OR4C16: variants seen among roughly 807,000 people sequenced by gnomAD.
OR4C16 encodes olfactory receptor family 4 subfamily C member 16, also known as olfactory receptor 4C16.
OR4C16 carries 24 observed loss-of-function variants against 14.4 expected under a neutral mutation model. The ratio of observed to expected loss-of-function variants is 1.66; its 90% CI spans 1.21 to 2.34. The LOEUF is 2.34. OR4C16 is among the 30% of genes most tolerant of loss of function. The pLI, the probability that OR4C16 is intolerant of heterozygous loss-of-function variation, is 0.00. For synonymous variants in OR4C16, 233 were observed against 133.5 expected (o/e 1.75, Z -5.14); for missense variants, 674 against 364.2 (o/e 1.85, Z -6.92).
Position 55,572,736 on chromosome 11 carries a change from C to T in OR4C16, c.609C>T (p.Ala203=), listed in dbSNP as rs1364351956. 4.3e-6 allele frequency: 7 copies of T among 1,613,666 alleles called. No individual in the cohort carries two copies. The highest frequency in any genetic ancestry group is 1.3e-5 in the African/African-American group (1 of 75,008). Residue 203 remains alanine (A), a synonymous_variant, in exon 1 of 1, where the codon GCC becomes GCT. Coordinates refer to ENST00000623907, the MANE Select transcript of OR4C16 (RefSeq NM_001004701.2). ...VNLLLVSNSG[A]ICAVSYVMLI... ...TACTCCTGGTTTCCAATAGTGGGGC[C>T]ATTTGTGCAGTGAGTTATGTCATGC...
chr11:55,573,011 C>G lies in OR4C16; in HGVS notation c.884C>G (p.Ala295Gly). 6.3e-7 allele frequency: 1 copy of G among 1,586,990 alleles called. No individual in the cohort carries two copies. The highest frequency in any genetic ancestry group is 8.6e-7 in the Non-Finnish European group (1 of 1,164,874). ...YTLKNTEVKS[A>G]MRKLWSKKLI... The stretch of plus-strand genomic sequence containing the variant: ...CTGAAGAATACAGAAGTGAAAAGTG[C>G]CATGAGGAAGCTTTGGAGCAAGAAA... Residue 295 changes from alanine to glycine, a missense_variant, in exon 1 of 1, where the codon GCC (alanine) becomes GGC (glycine). By Grantham distance (60) the Ala-to-Gly change is moderately conservative. Coordinates refer to ENST00000623907, the MANE Select transcript of OR4C16 (RefSeq NM_001004701.2).
Position 55,572,844 on chromosome 11 carries a change from C to T in OR4C16, c.717C>T (p.Val239=), listed in dbSNP as rs367685638. Residue 239 remains valine, a synonymous_variant, in exon 1 of 1, where the codon GTC becomes GTT. Transcript: ENST00000623907. ...TAAAGAAAGCACTTTCCACATGTGTCTCCCACATCATTGTGGTCATCTTGT... is the reference window on the plus strand; with the variant it reads ...TAAAGAAAGCACTTTCCACATGTGTTTCCCACATCATTGTGGTCATCTTGT... ...EVIKKALSTC[V]SHIIVVILFF... 9.8e-5 allele frequency: 158 copies of T among 1,613,766 alleles called. 1 individual carries two copies. Among genetic ancestry groups the T allele is most frequent in the East Asian group, 8.5e-4 (38 of 44,876 alleles).
rs752324980 is a variant in OR4C16 at position 55,572,209 on chromosome 11, A to AT, written c.89dup (p.Leu30PhefsTer11). 2.0e-5 allele frequency: 32 copies of AT among 1,610,698 alleles called. No homozygotes were observed. The highest frequency in any genetic ancestry group is 1.2e-4 in the African/African-American group (9 of 74,792). ...TTTTTGGAAGAAAATAGTGTTTGTT[A>AT]TTTTTTTGCGTCTCTACTTGGGAAC... On this transcript the variant is annotated frameshift_variant, in exon 1 of 1. Coordinates refer to ENST00000623907, the MANE Select transcript of OR4C16 (RefSeq NM_001004701.2). LOFTEE classifies it high-confidence loss of function.
rs150706012 is a variant in OR4C16 at position 55,572,407 on chromosome 11, G to T, written c.280G>T (p.Glu94Ter). ...GAAGAAGACAACTATCTCCTTCAGC[G>T]AGTGCATGATCCAAGTCTTTTCATC... ...LLKKTTISFS[E>*]CMIQVFSSHV... The change falls in exon 1 of 1, where the codon GAG (glutamate) becomes TAG (stop). Residue 94 changes from glutamate to a stop codon, truncating the protein, a stop_gained. Coordinates refer to ENST00000623907, the MANE Select transcript of OR4C16 (RefSeq NM_001004701.2). LOFTEE classifies it high-confidence loss of function. 2 of 1,613,892 alleles carry T rather than the reference G, an allele frequency of 1.2e-6. No homozygotes were observed. Among genetic ancestry groups the T allele is most frequent in the Non-Finnish European group, 1.7e-6 (2 of 1,179,966 alleles).
Position 55,572,611 on chromosome 11 carries a change from C to T in OR4C16, c.484C>T (p.Leu162=), listed in dbSNP as rs1012542418. ...VHSLVQIFLA[L]SLPFCGPNVI... is the part of the protein sequence containing the mutation. ...TTCTTTAGTTCAGATTTTTCTTGCC[C>T]TGAGTTTGCCATTCTGTGGCCCCAA... The change falls in exon 1 of 1, where the codon CTG becomes TTG. Residue 162 remains leucine, a synonymous_variant. Coordinates refer to ENST00000623907, the MANE Select transcript of OR4C16 (RefSeq NM_001004701.2). 4 of 1,614,086 alleles carry T rather than the reference C, an allele frequency of 2.5e-6. No homozygotes were observed. Among genetic ancestry groups the T allele is most frequent in the East Asian group, 2.2e-5 (1 of 44,872 alleles).
In OR4C16 at chr11:55,572,524, A is replaced by C. The variant is rs1324970841; in HGVS notation, c.397A>C (p.Ile133Leu). The C allele has an allele frequency of 6.2e-7, 1 of 1,613,960 alleles. No homozygotes were observed. Among genetic ancestry groups the C allele is most frequent in the African/African-American group, 1.3e-5 (1 of 74,910 alleles). ...DICKPLHYMT[I>L]ISQWVCGVLM... ...CTGTAAGCCCCTGCACTACATGACC[A>C]TCATAAGCCAGTGGGTCTGTGGTGT... Residue 133 changes from isoleucine (I) to leucine (L), a missense_variant, in exon 1 of 1, where the codon ATC becomes CTC. Physicochemically the swap from Ile to Leu is conservative, Grantham distance 5 (BLOSUM62 2). Transcript: ENST00000623907.
rs770122349 is a variant in OR4C16, at chr11:55,572,597, A to C, written c.470A>C (p.Gln157Pro). The stretch of plus-strand genomic sequence containing the variant: ...GGATCCTGTGTGCATTCTTTAGTTC[A>C]GATTTTTCTTGCCCTGAGTTTGCCA... ...WVGSCVHSLV[Q>P]IFLALSLPFC... Residue 157 changes from glutamine to proline, a missense_variant, in exon 1 of 1, where the codon CAG becomes CCG. Transcript: ENST00000623907. 1 of 1,614,062 alleles carries C rather than the reference A, an allele frequency of 6.2e-7. No individual in the cohort carries two copies. The highest frequency in any genetic ancestry group is 8.5e-7 in the Non-Finnish European group (1 of 1,179,994).
Position 55,572,145 on chromosome 11 carries a change from T to C in OR4C16, c.18T>C (p.Asn6=). The C allele has an allele frequency of 6.2e-7, 1 of 1,607,128 alleles. No homozygotes were observed. ...CGAAAACCATGCAACTGAATAATAA[T>C]GTGACTGAGTTCATTCTGCTTGGAT... MQLNN[N]VTEFILLGLT... The change falls in exon 1 of 1, where the codon AAT becomes AAC. Residue 6 remains asparagine (N), a synonymous_variant. Transcript: ENST00000623907.
In OR4C16 at chr11:55,572,938, G is replaced by C; in HGVS notation, c.811G>C (p.Val271Leu). ...TVFPMDKMIAVFYTVGTSFLN... is the reference protein window; with the variant it reads ...TVFPMDKMIALFYTVGTSFLN... ...ATTCCCCATGGATAAGATGATAGCT[G>C]TATTTTATACAGTTGGAACATCTTT... is the stretch of plus-strand genomic sequence containing the variant. The change falls in exon 1 of 1, where the codon GTA (valine) becomes CTA (leucine). Residue 271 changes from valine to leucine, a missense_variant. By Grantham distance (32) the Val-to-Leu change is conservative (BLOSUM62 1). Transcript: ENST00000623907. 2 of 1,612,866 alleles carry C rather than the reference G, an allele frequency of 1.2e-6. No homozygotes were observed. Among genetic ancestry groups the C allele is most frequent in the Non-Finnish European group, 1.7e-6 (2 of 1,178,922 alleles).
rs751141334 is a variant in OR4C16 at position 55,572,647 on chromosome 11, C to T, written c.520C>T (p.His174Tyr). ...LPFCGPNVIN[H>Y]CFCDLQPLLK... ...ATTCTGTGGCCCCAATGTGATCAAT[C>T]ACTGTTTCTGTGACTTGCAGCCCTT... The change falls in exon 1 of 1, where the codon CAC becomes TAC. Residue 174 changes from histidine to tyrosine, a missense_variant. By Grantham distance (83) the His-to-Tyr change is moderately conservative (BLOSUM62 2). Transcript: ENST00000623907. 6 of 1,614,074 alleles carry T rather than the reference C, an allele frequency of 3.7e-6. No individual in the cohort carries two copies. The East Asian group carries it at 6.7e-5, about 18-fold the overall frequency.
In OR4C16 at chr11:55,572,631, C is replaced by T. The variant is rs763972357; in HGVS notation, c.504C>T (p.Gly168=). Residue 168 remains glycine, a synonymous_variant, in exon 1 of 1, where the codon GGC becomes GGT. Coordinates refer to ENST00000623907, the MANE Select transcript of OR4C16 (RefSeq NM_001004701.2). ...TTGCCCTGAGTTTGCCATTCTGTGG[C>T]CCCAATGTGATCAATCACTGTTTCT... ...IFLALSLPFC[G]PNVINHCFCD... 4.3e-6 allele frequency: 7 copies of T among 1,614,150 alleles called. No individual in the cohort carries two copies. The highest frequency in any genetic ancestry group is 5.9e-6 in the Non-Finnish European group (7 of 1,180,012).
In OR4C16 at chr11:55,572,317, T is replaced by A; in HGVS notation, c.190T>A (p.Leu64Ile). The stretch of plus-strand genomic sequence containing the variant: ...CCCAATGTTCTTCTTCCTTTTCTAC[T>A]TATCCTTATCTGATACTTGCCTCTC... ...KNPMFFFLFY[L>I]SLSDTCLSTS... Residue 64 changes from leucine to isoleucine, a missense_variant, in exon 1 of 1, where the codon TTA becomes ATA. Transcript: ENST00000623907. The A allele has an allele frequency of 6.2e-7, 1 of 1,613,496 alleles. No individual in the cohort carries two copies. Among genetic ancestry groups the A allele is most frequent in the Non-Finnish European group, 8.5e-7 (1 of 1,179,496 alleles).
Position 55,572,375 on chromosome 11 carries a change from C to T in OR4C16, c.248C>T (p.Ala83Val), listed in dbSNP as rs567011336. 4.3e-6 allele frequency: 7 copies of T among 1,613,778 alleles called. No homozygotes were observed. The highest frequency in any genetic ancestry group is 2.2e-5 in the East Asian group (1 of 44,862). Reference protein sequence around the residue: ...TSITPRMIVDALLKKTTISFS... With the variant: ...TSITPRMIVDVLLKKTTISFS... ...ATAACCCCTAGAATGATTGTGGATG[C>T]CCTTTTGAAGAAGACAACTATCTCC... The change falls in exon 1 of 1, where the codon GCC becomes GTC. Residue 83 changes from alanine to valine, a missense_variant. Transcript: ENST00000623907.
In OR4C16 at chr11:55,572,930, T is replaced by C. The variant is rs376729823; in HGVS notation, c.803T>C (p.Met268Thr). The C allele has an allele frequency of 6.8e-6, 11 of 1,613,434 alleles. No homozygotes were observed. In the East Asian group the frequency reaches 2.0e-4, roughly 29 times the overall value. ...GCAACCGTATTCCCCATGGATAAGA[T>C]GATAGCTGTATTTTATACAGTTGGA... ...CLATVFPMDK[M>T]IAVFYTVGTS... The change falls in exon 1 of 1, where the codon ATG (methionine) becomes ACG (threonine). Residue 268 changes from methionine (M) to threonine (T), a missense_variant. By Grantham distance (81) the Met-to-Thr change is moderately conservative. Transcript: ENST00000623907.
At position 55,572,598 on chromosome 11, in the gene OR4C16, G is replaced by T. The variant is rs778151753; in HGVS notation, c.471G>T (p.Gln157His). 9 of 1,613,968 alleles carry T rather than the reference G, an allele frequency of 5.6e-6. No homozygotes were observed. In the African/African-American group the frequency reaches 6.7e-5, roughly 12 times the overall value. ...GATCCTGTGTGCATTCTTTAGTTCAGATTTTTCTTGCCCTGAGTTTGCCAT... is the reference window on the plus strand; with the variant it reads ...GATCCTGTGTGCATTCTTTAGTTCATATTTTTCTTGCCCTGAGTTTGCCAT... ...WVGSCVHSLV[Q>H]IFLALSLPFC... The change falls in exon 1 of 1, where the codon CAG becomes CAT. Residue 157 changes from glutamine (Q) to histidine (H), a missense_variant. Physicochemically the swap from Gln to His is conservative, Grantham distance 24. Coordinates refer to ENST00000623907, the MANE Select transcript of OR4C16 (RefSeq NM_001004701.2).
Position 55,572,560 on chromosome 11 carries a change from G to C in OR4C16, c.433G>C (p.Val145Leu), listed in dbSNP as rs1565052391. ...SQWVCGVLMA[V>L]AWVGSCVHSL... ...GTGGGTCTGTGGTGTTTTGATGGCT[G>C]TGGCCTGGGTGGGATCCTGTGTGCA... The change falls in exon 1 of 1, where the codon GTG (valine) becomes CTG (leucine). Residue 145 changes from valine (V) to leucine (L), a missense_variant. By Grantham distance (32) the Val-to-Leu change is conservative. Coordinates refer to ENST00000623907, the MANE Select transcript of OR4C16 (RefSeq NM_001004701.2). 6.2e-7 allele frequency: 1 copy of C among 1,614,080 alleles called. No individual in the cohort carries two copies. The highest frequency in any genetic ancestry group is 2.2e-5 in the East Asian group (1 of 44,856).
At position 55,572,761 on chromosome 11, in the gene OR4C16, C is replaced by T. The variant is rs376071910; in HGVS notation, c.634C>T (p.Leu212=). Residue 212 remains leucine, a synonymous_variant, in exon 1 of 1, where the codon CTA becomes TTA. Coordinates refer to ENST00000623907, the MANE Select transcript of OR4C16 (RefSeq NM_001004701.2). ...GAICAVSYVM[L]IFSYVIFLHS... is the part of the protein sequence containing the mutation. Reference sequence around the variant, plus strand: ...CATTTGTGCAGTGAGTTATGTCATGCTAATATTCTCCTATGTCATCTTCTT... The same window carrying T: ...CATTTGTGCAGTGAGTTATGTCATGTTAATATTCTCCTATGTCATCTTCTT... 44 of 1,613,912 alleles carry T rather than the reference C, an allele frequency of 2.7e-5. No individual in the cohort carries two copies. Among genetic ancestry groups the T allele is most frequent in the Non-Finnish European group, 3.6e-5 (42 of 1,179,980 alleles).
chr11:55,573,049 G>T lies in OR4C16; in HGVS notation c.922G>T (p.Asp308Tyr). Residue 308 changes from aspartate (D) to tyrosine (Y), a missense_variant, in exon 1 of 1, where the codon GAC becomes TAC. Asp to Tyr is a radical substitution (Grantham distance 160, BLOSUM62 -3). Transcript: ENST00000623907. Reference protein sequence around the residue: ...KLWSKKLITDDKR With the variant: ...KLWSKKLITDYKR Reference sequence around the variant, plus strand: ...TTGGAGCAAGAAATTGATCACAGATGACAAAAGATAAATGAAGGTTTCAAA... The same window carrying T: ...TTGGAGCAAGAAATTGATCACAGATTACAAAAGATAAATGAAGGTTTCAAA... The T allele has an allele frequency of 1.9e-6, 3 of 1,543,024 alleles. No individual in the cohort carries two copies. Among genetic ancestry groups the T allele is most frequent in the South Asian group, 2.5e-5 (2 of 81,068 alleles).
At position 55,572,700 on chromosome 11, in the gene OR4C16, T is replaced by C. The variant is rs1203558086; in HGVS notation, c.573T>C (p.Tyr191=). Reference sequence around the variant, plus strand: ...TGAAACAAGCCTGTTCAGAAACCTATGTGGTTAACCTACTCCTGGTTTCCA... The same window carrying C: ...TGAAACAAGCCTGTTCAGAAACCTACGTGGTTAACCTACTCCTGGTTTCCA... ...PLLKQACSET[Y]VVNLLLVSNS... The change falls in exon 1 of 1, where the codon TAT becomes TAC. Residue 191 remains tyrosine, a synonymous_variant. Transcript: ENST00000623907. 6.2e-7 allele frequency: 1 copy of C among 1,613,934 alleles called. No homozygotes were observed. Among genetic ancestry groups the C allele is most frequent in the East Asian group, 2.2e-5 (1 of 44,872 alleles).
Sources: allele counts gnomAD v4.1 joint callset, GRCh38; gene constraint gnomAD v4.1.1; transcripts MANE v1.5; gene names NCBI Gene and HGNC (gene_info 2026-07-23, HGNC 2026-07-21).